Variants in TRIM16 observed in about 807,000 individuals in gnomAD.
TRIM16 encodes tripartite motif-containing protein 16.
TRIM16 carries 33 observed loss-of-function variants against 50.4 expected under a neutral mutation model. The observed-to-expected ratio is 0.65, with a 90% CI of 0.50 to 0.88. The LOEUF (loss-of-function observed/expected upper bound fraction) is 0.88, where lower values mean the gene tolerates loss of function less well. Ranked by LOEUF, TRIM16 falls within the 40% of genes least tolerant of loss-of-function variation. TRIM16 has a pLI of 0.00. For missense variants in TRIM16, 581 were observed against 686.8 expected, an observed-to-expected ratio of 0.85 and a Z score of 1.72; for synonymous variants, 229 against 270.7, an observed-to-expected ratio of 0.85 and a Z score of 1.51.
In TRIM16 at chr17:15,636,259, G is replaced by C; in HGVS notation, c.626C>G (p.Ser209Ter). ...ANQKSVLVSV[S>*]EVKAVAEMQF... ...CATTTCAGCCACCGCTTTGACCTCT[G>C]ACACCGACACCTGGCAGGGGGTGGG... The change falls in exon 9 of 12, where the codon TCA (serine) becomes TGA (stop). Residue 209 changes from serine to a stop codon, truncating the protein, a stop_gained. Transcript: ENST00000649191. LOFTEE classifies it high-confidence loss of function. 6.2e-7 allele frequency: 1 copy of C among 1,608,474 alleles called. No individual in the cohort carries two copies. Among genetic ancestry groups the C allele is most frequent in the South Asian group, 1.1e-5 (1 of 90,094 alleles).
Position 15,682,844 on chromosome 17 carries a change from G to A in TRIM16, c.-679+10C>T, listed in dbSNP as rs776968056. 50 of 1,418,904 alleles carry A rather than the reference G, an allele frequency of 3.5e-5. No individual in the cohort carries two copies. Among genetic ancestry groups the A allele is most frequent in the Middle Eastern group, 2.6e-4 (1 of 3,866 alleles). The allele number at this position is 1,418,904 out of a possible 1,614,324, so 87.9% of individuals were successfully genotyped here. A position where few individuals can be genotyped will look rare whatever the true frequency, so the allele number is the denominator to read the frequency against. On this transcript the variant is annotated intron_variant, in intron 3 of 11. Transcript: ENST00000649191. ...ATTAGTAAAATCACCACCATTCTTC[G>A]CACACTCACCACGCACCAGGTGCTT...
At chr17:15,674,379 AAG>A (rs1160002235) in intron 6 of TRIM16, among the ~76,000 whole-genome samples, 142 of 152,242 alleles carry the variant, frequency 9.3e-4, no homozygotes, top group Non-Finnish European at 1.7e-3. Flanking sequence ...AAAAAAAAAA[AAG>A]ACACAATAAC....
Position 15,651,372 on chromosome 17 carries a change from A to G in TRIM16, c.238T>C (p.Cys80Arg), listed in dbSNP as rs770668690. The G allele has an allele frequency of 3.1e-6, 5 of 1,614,220 alleles. No individual in the cohort carries two copies. In the East Asian group the frequency reaches 1.1e-4, roughly 36 times the overall value. The change falls in exon 7 of 12, where the codon TGC becomes CGC. Residue 80 changes from cysteine to arginine, a missense_variant. Transcript: ENST00000649191. ...GEGKEVLCDF[C>R]LDDTRRVKAV... The stretch of plus-strand genomic sequence containing the variant: ...TTCACTCTTCTGGTGTCATCAAGGC[A>G]GAAGTCACACAGGACCTCTTTCCCC...
rs147460384 is a variant in TRIM16 at position 15,652,719 on chromosome 17, C to T, written c.-337-773G>A. On this transcript the variant is annotated intron_variant, in intron 6 of 11. Coordinates refer to ENST00000649191, the MANE Select transcript of TRIM16 (RefSeq NM_001348119.1). ...CAGGTGATCTGCCTGCCTGGGCTTC[C>T]CAATGTGCTGGGATTACAGGCATGA... Among the ~76,000 whole-genome samples the T allele has an allele frequency of 8.0e-4, 121 of 151,684 alleles. 1 individual carries two copies. The highest frequency in any genetic ancestry group is 1.5e-4 in the Non-Finnish European group (10 of 67,946).
In TRIM16 at chr17:15,637,630, T is replaced by G. The variant is rs1204382043; in HGVS notation, c.616-1361A>C. On this transcript the variant is annotated intron_variant, in intron 8 of 11. Transcript: ENST00000649191. The stretch of plus-strand genomic sequence containing the variant: ...CGTCCGGGAGGGAGGTGGGGGGGGG[T>G]CAGCCCCCCCGCCCGGCCAGCCGCC... Among the ~76,000 whole-genome samples the G allele has an allele frequency of 2.2e-3, 137 of 62,088 alleles. 1 individual carries two copies. The highest frequency in any genetic ancestry group is 4.5e-3 in the Admixed American group (24 of 5,338). The allele number at this position is 62,088 out of a possible 152,430, so 40.7% of individuals were successfully genotyped here.
At position 15,651,136 on chromosome 17, in the gene TRIM16, A is replaced by G; in HGVS notation, c.474T>C (p.Ser158=). ...CATCCAGGGAGACTATGGTGTGGCCACTGTGCTCCTGGCAACAGTCCTGGC... is the reference window on the plus strand; with the variant it reads ...CATCCAGGGAGACTATGGTGTGGCCGCTGTGCTCCTGGCAACAGTCCTGGC... ...CICQDCCQEH[S]GHTIVSLDAA... Residue 158 remains serine, a synonymous_variant, in exon 7 of 12, where the codon AGT becomes AGC. Transcript: ENST00000649191. 6.2e-7 allele frequency: 1 copy of G among 1,614,074 alleles called. No homozygotes were observed. Among genetic ancestry groups the G allele is most frequent in the Non-Finnish European group, 8.5e-7 (1 of 1,179,984 alleles).
intron 8 of TRIM16, among the ~76,000 whole-genome samples, chr17:15,637,400 G>A (rs1165322715): frequency 1.7e-5 from 2 of 119,710 alleles, no homozygotes; most frequent in Non-Finnish European, 3.5e-5. Context: ...GGAGGTGGGG[G>A]GGTCAGCCCT....
At chr17:15,673,868 A>G (rs72819890) in intron 6 of TRIM16, among the ~76,000 whole-genome samples, 3,187 of 152,266 alleles carry the variant, frequency 0.021, 47 homozygotes, top group South Asian at 0.046. Context: ...CATTTTTTTA[A>G]AAATGTTTTC....
intron 8 of TRIM16, among the ~76,000 whole-genome samples, chr17:15,641,003 G>A (rs1987088990): frequency 6.7e-6 from 1 of 148,208 alleles, no homozygotes; most frequent in Admixed American, 6.7e-5. Context: ...GATACCATGA[G>A]GCTAAGAGGA....
rs528918684 is a variant in TRIM16 at position 15,635,093 on chromosome 17, C to G, written c.849+943G>C. Among the ~76,000 whole-genome samples, 5 of 147,160 alleles carry G rather than the reference C, an allele frequency of 3.4e-5. 1 individual carries two copies. The East Asian group carries it at 8.3e-4, about 24-fold the overall frequency. ...GGATTTTTTTTCTTCTTTTTTTGTA[C>G]TTTCCAAGTTTTTCACAATAAACAT... On this transcript the variant is annotated intron_variant, in intron 9 of 11. Transcript: ENST00000649191.
intron 6 of TRIM16, among the ~76,000 whole-genome samples, chr17:15,667,524 A>C (rs1448652151): frequency 6.6e-6 from 1 of 152,192 alleles, no homozygotes; most frequent in Non-Finnish European, 1.5e-5. Context: ...AGATGCAAGC[A>C]GAAGTAGCTT....
rs573685713 is a variant in TRIM16 at position 15,634,685 on chromosome 17, G to A, written c.849+1351C>T. Among the ~76,000 whole-genome samples, 59 of 146,766 alleles carry A rather than the reference G, an allele frequency of 4.0e-4. 5 individuals carry two copies. In the South Asian group the frequency reaches 0.012, roughly 31 times the overall value. On this transcript the variant is annotated intron_variant, in intron 9 of 11. Transcript: ENST00000649191. The stretch of plus-strand genomic sequence containing the variant: ...AAATTAGCCAGGTGTGGTGGCGGGT[G>A]CCTGTAATCCCAGCTACTCGGGAGG...
chr17:15,653,126 T>C (rs1005519028), intron 6 of TRIM16, among the ~76,000 whole-genome samples: 3 of 152,234 alleles, frequency 2.0e-5, no homozygotes, highest in Middle Eastern at 3.4e-3. Context: ...CTATCAATAT[T>C]AGCTGCCACA....
chr17:15,654,936 G>A (rs1445685627), intron 6 of TRIM16, among the ~76,000 whole-genome samples: 1 of 151,992 alleles, frequency 6.6e-6, no homozygotes, highest in Non-Finnish European at 1.5e-5. Context: ...ACTATGAGAT[G>A]GGGAAAGATG....
chr17:15,684,089 C>A (rs170912), intron 1 of TRIM16, 107 bp downstream of exon 1: 119,353 of 151,760 alleles, frequency 0.79, 47,511 homozygotes, highest in African/African-American at 0.91. Context: ...TGGCCGAACC[C>A]TAGCTCCAGC....
intron 6 of TRIM16, among the ~76,000 whole-genome samples, chr17:15,664,587 G>A (rs1468648745): frequency 2.0e-5 from 3 of 152,136 alleles, no homozygotes; most frequent in South Asian, 2.1e-4. Context: ...TTAGATCTGC[G>A]CTCTCTTCCC....
In TRIM16 at chr17:15,659,257, C is replaced by T. The variant is rs111880128; in HGVS notation, c.-337-7311G>A. Among the ~76,000 whole-genome samples, 944 of 152,276 alleles carry T rather than the reference C, an allele frequency of 6.2e-3. 13 individuals are homozygous for T. The highest frequency in any genetic ancestry group is 0.021 in the African/African-American group (885 of 41,554). ...CACGGTCATTTCTTCCCTAAGTCTC[C>T]GAAGGTCTAGTCCTGGGCTGTTCTA... On this transcript the variant is annotated intron_variant, in intron 6 of 11. Coordinates refer to ENST00000649191, the MANE Select transcript of TRIM16 (RefSeq NM_001348119.1).
chr17:15,660,487 AT>A (rs1456873982), intron 6 of TRIM16, among the ~76,000 whole-genome samples: 22 of 152,270 alleles, frequency 1.4e-4, no homozygotes, highest in Middle Eastern at 3.4e-3. Context: ...TATACCCCTG[AT>A]TGTCTGCATG....
chr17:15,634,413 T>G lies in TRIM16; in HGVS notation c.849+1623A>C, dbSNP rs1458468049. 2.7e-5 allele frequency among the ~76,000 whole-genome samples: 4 copies of G among 147,362 alleles called. 1 individual carries two copies. Among genetic ancestry groups the G allele is most frequent in the Non-Finnish European group, 6.0e-5 (4 of 66,742 alleles). On this transcript the variant is annotated intron_variant, in intron 9 of 11. Transcript: ENST00000649191. ...GGGAGGCCGAGGCGGGCAGATCACCTAAGGTTGGGAGTTCAAGACCAGCCT... is the reference window on the plus strand; with the variant it reads ...GGGAGGCCGAGGCGGGCAGATCACCGAAGGTTGGGAGTTCAAGACCAGCCT...
Sources: allele counts gnomAD v4.1 joint callset (sites outside exome capture counted in the v4.1 genomes callset), GRCh38; gene constraint gnomAD v4.1.1; transcripts MANE v1.5; gene names NCBI Gene and HGNC (gene_info 2026-07-23, HGNC 2026-07-21).